Variants in ZNF157 observed in about 807,000 individuals in gnomAD.
The protein encoded by ZNF157 is zinc finger protein 22.
In ZNF157, 8 loss-of-function variants were observed where a neutral mutation model predicts 9.4. That is an observed-to-expected ratio of 0.85 (90% confidence interval 0.50 to 1.53). ZNF157 has a LOEUF of 1.53. Among genes scored for constraint, ZNF157 ranks in the 40% most tolerant of loss-of-function variants. ZNF157 has a pLI of 0.00. For synonymous variants in ZNF157, 120 were observed against 130.8 expected (o/e 0.92, Z 0.56); for missense variants, 316 against 385.2 (o/e 0.82, Z 1.50).
At chrX:47,402,259 G>C (rs185573426) in intron 1 of ZNF157, among the ~76,000 whole-genome samples, 80 of 111,047 alleles carry the variant, frequency 7.2e-4, no homozygotes, top group South Asian at 1.5e-3. Context: ...TGTTTTCTTT[G>C]TGCCCTAGTA....
chrX:47,394,109 C>T (rs1396447394), intron 1 of ZNF157, among the ~76,000 whole-genome samples: 3 of 109,460 alleles, frequency 2.7e-5, no homozygotes, highest in Non-Finnish European at 5.7e-5. Flanking sequence ...CTACAGGCAC[C>T]CGCCACCACG....
chrX:47,390,233 A>C (rs1257376972), intron 1 of ZNF157: 5 of 111,757 alleles, frequency 4.5e-5, no homozygotes, highest in Non-Finnish European at 9.4e-5. Flanking sequence ...CCCAACAGGG[A>C]TCCAGTGTCC....
intron 1 of ZNF157, among the ~76,000 whole-genome samples, chrX:47,398,990 C>T (rs1268587504): frequency 1.8e-5 from 2 of 111,614 alleles, no homozygotes; most frequent in African/African-American, 3.3e-5. Flanking sequence ...TTAGTAGAGA[C>T]GGGGTTTCGC....
intron 1 of ZNF157, among the ~76,000 whole-genome samples, chrX:47,402,701 G>A (rs1490063475): frequency 2.8e-5 from 3 of 107,357 alleles, no homozygotes; most frequent in Admixed American, 2.0e-4. Flanking sequence ...CACCACGCCC[G>A]GCTAATTTTT....
At chrX:47,383,245 A>C (rs28890889) in intron 1 of ZNF157, among the ~76,000 whole-genome samples, 33 of 106,487 alleles carry the variant, frequency 3.1e-4, no homozygotes, top group African/African-American at 1.1e-3. Context: ...GGTGGCGGGC[A>C]CCTGTAGTCC....
chrX:47,372,717 C>G (rs1447061631), intron 1 of ZNF157, among the ~76,000 whole-genome samples: 2 of 109,185 alleles, frequency 1.8e-5, no homozygotes, highest in African/African-American at 6.7e-5. Context: ...TGGTCTCAAA[C>G]TCCCGACCTC....
chrX:47,413,150 G>C lies in ZNF157; in HGVS notation c.1077G>C (p.Gln359His), dbSNP rs768010528. ...QRTHTGEKPY[Q>H]CNECGKSFRV... ...CTCACACAGGTGAAAAGCCCTATCA[G>C]TGTAATGAATGTGGGAAATCTTTCA... Residue 359 changes from glutamine (Q) to histidine (H), a missense_variant, in exon 4 of 4, where the codon CAG becomes CAC. Around this residue, in one of 3 missense-constraint regions of ZNF157, gnomAD observed 167 missense variants for 183.6 expected, o/e 0.91. Coordinates refer to ENST00000377073, the MANE Select transcript of ZNF157 (RefSeq NM_003446.4). 7 of 1,210,893 alleles carry C rather than the reference G, an allele frequency of 5.8e-6. No homozygotes were observed. In the Admixed American group the frequency reaches 1.5e-4, roughly 26 times the overall value.
Position 47,410,793 on chromosome X carries a change from A to C in ZNF157, c.295+18A>C. On this transcript the variant is annotated intron_variant, in intron 3 of 3. Coordinates refer to ENST00000377073, the MANE Select transcript of ZNF157 (RefSeq NM_003446.4). ...TTACTCAGGTAAGTACTGGGCAAGA[A>C]CTGGACATATGGAAAATAGGGGAAA... 2 of 1,155,920 alleles carry C rather than the reference A, an allele frequency of 1.7e-6. No homozygotes were observed. The highest frequency in any genetic ancestry group is 2.3e-6 in the Non-Finnish European group (2 of 851,304).
chrX:47,401,673 G>A (rs375174806), intron 1 of ZNF157, among the ~76,000 whole-genome samples: 2 of 111,620 alleles, frequency 1.8e-5, no homozygotes, highest in South Asian at 3.7e-4. Context: ...GATTTTTGTC[G>A]CATTTATCAA....
rs1407295263 is a variant in ZNF157 at position 47,375,542 on chromosome X, A to G, written c.72+4802A>G. Among the ~76,000 whole-genome samples the G allele has an allele frequency of 2.7e-5, 3 of 111,168 alleles. No homozygotes were observed. In the East Asian group the frequency reaches 8.5e-4, roughly 31 times the overall value. On this transcript the variant is annotated intron_variant, in intron 1 of 3. Coordinates refer to ENST00000377073, the MANE Select transcript of ZNF157 (RefSeq NM_003446.4). ...TAAGGCTCACTGCTTTGTGTTGTAC[A>G]TAGGGGTTTTGGCAAATAGATCATG... is the stretch of plus-strand genomic sequence containing the variant.
At chrX:47,407,429 G>C (rs1192605281) in intron 1 of ZNF157, among the ~76,000 whole-genome samples, 1 of 111,831 alleles carries the variant, frequency 8.9e-6, no homozygotes, top group East Asian at 2.8e-4. Context: ...TTAAATATTT[G>C]GTAGAATTTA....
At chrX:47,375,072 A>G (rs1351973054) in intron 1 of ZNF157, among the ~76,000 whole-genome samples, 3 of 77,721 alleles carry the variant, frequency 3.9e-5, no homozygotes, top group Non-Finnish European at 4.5e-5. Context: ...GCTGGAGTGC[A>G]GTGGCACGAT....
intron 1 of ZNF157, among the ~76,000 whole-genome samples, chrX:47,374,014 G>C (rs2055836281): frequency 9.1e-6 from 1 of 110,305 alleles, no homozygotes; most frequent in Non-Finnish European, 1.9e-5. Context: ...AGTTCTATGA[G>C]CCACTCTAGC....
rs753077318 is a variant in ZNF157, at chrX:47,413,440, G to A, written c.1367G>A (p.Arg456His). 4.4e-5 allele frequency: 53 copies of A among 1,209,338 alleles called. No homozygotes were observed. The highest frequency in any genetic ancestry group is 4.4e-4 in the African/African-American group (25 of 57,165). Residue 456 changes from arginine (R) to histidine (H), a missense_variant, in exon 4 of 4, where the codon CGC becomes CAC. Arg to His is a conservative substitution (Grantham distance 29). This residue lies in a region of ZNF157 where 167 missense variants were observed against 183.6 expected (regional missense o/e 0.91). Coordinates refer to ENST00000377073, the MANE Select transcript of ZNF157 (RefSeq NM_003446.4). ...GGAAATGCCTTCTATGTGAAAGTAC[G>A]CCTCATTGAACATCAGCGAATTCAC... ...ECGNAFYVKV[R>H]LIEHQRIHTG...
chrX:47,409,994 A>G (rs1455555340), intron 1 of ZNF157, among the ~76,000 whole-genome samples: 1 of 111,547 alleles, frequency 9.0e-6, no homozygotes, highest in Non-Finnish European at 1.9e-5. Flanking sequence ...GTCCAGGCAC[A>G]TAGTGTTTGT....
At chrX:47,373,123 T>TGTGAGGCGGAGGTTGCA (rs1194331941) in intron 1 of ZNF157, among the ~76,000 whole-genome samples, 2 of 109,955 alleles carry the variant, frequency 1.8e-5, no homozygotes, top group Non-Finnish European at 3.8e-5. Context: ...CACTTGAACC[T>TGTGAGGCGGAGGTTGCA]GTGAGGCGGA....
intron 1 of ZNF157, among the ~76,000 whole-genome samples, chrX:47,386,740 A>G (rs2055880694): frequency 9.0e-6 from 1 of 111,609 alleles, no homozygotes; most frequent in Non-Finnish European, 1.9e-5. Flanking sequence ...GATTATAGGC[A>G]TGAGCCACGC....
chrX:47,400,089 C>T (rs1249497398), intron 1 of ZNF157, among the ~76,000 whole-genome samples: 4 of 107,639 alleles, frequency 3.7e-5, no homozygotes, highest in African/African-American at 6.8e-5. Flanking sequence ...CTCTGCCTCC[C>T]GGATTTCAGT....
rs1391011561 is a variant in ZNF157, at chrX:47,377,989, C to T, written c.72+7249C>T. On this transcript the variant is annotated intron_variant, in intron 1 of 3. Coordinates refer to ENST00000377073, the MANE Select transcript of ZNF157 (RefSeq NM_003446.4). ...TAACCTCCCAATGGGTTCCCCTTGCCCGCTGCCTAGACAGAGCTGATATTA... is the reference window on the plus strand; with the variant it reads ...TAACCTCCCAATGGGTTCCCCTTGCTCGCTGCCTAGACAGAGCTGATATTA... Among the ~76,000 whole-genome samples, 7 of 110,731 alleles carry T rather than the reference C, an allele frequency of 6.3e-5. No homozygotes were observed. In the Admixed American group the frequency reaches 6.9e-4, roughly 11 times the overall value.
Sources: gnomAD v4.1 joint callset for allele counts (sites outside exome capture counted in the v4.1 genomes callset) on GRCh38, gnomAD v4.1.1 for gene constraint, gnomAD v4.1.1 regional missense constraint, MANE v1.5 for transcripts, NCBI Gene and HGNC (gene_info 2026-07-23, HGNC 2026-07-21) for gene names.